The following NEB variants were observed in gnomAD, a reference collection of about 807,000 sequenced individuals.
The protein encoded by NEB is nebulin.
In NEB, 512 loss-of-function variants were observed where a neutral mutation model predicts 952.2. The observed-to-expected ratio is 0.54, with a 90% CI of 0.50 to 0.58. NEB has a LOEUF of 0.58. Among genes scored for constraint, NEB ranks in the 20% least tolerant of loss-of-function variants. The pLI is 0.00. For synonymous variants in NEB, 2,900 were observed against 3,149.8 expected (o/e 0.92, Z 2.66); for missense variants, 8,428 against 9,231.1 (o/e 0.91, Z 3.56).
At chr2:151,711,871 G>A (rs1025524944) in intron 10 of NEB, among the ~76,000 whole-genome samples, 7 of 152,122 alleles carry the variant, frequency 4.6e-5, no homozygotes, top group African/African-American at 1.4e-4. Flanking sequence ...TTGTATGTGC[G>A]GGGAGGGAAC....
At chr2:151,544,955 G>A (rs112479335) in intron 135 of NEB, among the ~76,000 whole-genome samples, 1,795 of 152,352 alleles carry the variant, frequency 0.012, 19 homozygotes, top group Middle Eastern at 0.041. Flanking sequence ...ATTTACACTT[G>A]TGAAATGCCC....
In NEB at chr2:151,516,486, G is replaced by T. The variant is rs185574478; in HGVS notation, c.22878C>A (p.Ala7626=). The T allele has an allele frequency of 1.6e-3, 2,507 of 1,612,934 alleles. 4 individuals carry two copies. Among genetic ancestry groups the T allele is most frequent in the Non-Finnish European group, 1.9e-3 (2,238 of 1,179,120 alleles). Residue 7626 remains alanine (A), a synonymous_variant, in exon 157 of 182, where the codon GCC becomes GCA. Coordinates refer to ENST00000397345, the MANE Select transcript of NEB (RefSeq NM_001164508.2). The part of the protein sequence containing the change: ...LDFETPTYIT[A]KESQQMQSGK... Reference sequence around the variant, plus strand: ...CACTCTGCATCTGCTGAGACTCTTTGGCAGTGATGTACGTTGGTGTTTCAA... The same window carrying T: ...CACTCTGCATCTGCTGAGACTCTTTTGCAGTGATGTACGTTGGTGTTTCAA...
intron 153 of NEB, 66 bp from the exon 154 acceptor site, chr2:151,519,834 T>C: frequency 9.5e-7 from 1 of 1,058,068 alleles, no homozygotes; most frequent in East Asian, 2.4e-5. Flanking sequence ...TGGGGAATAG[T>C]AGAAACACAA....
Position 151,607,423 on chromosome 2 carries a change from T to C in NEB, c.12639+81A>G. Reference sequence around the variant, plus strand: ...AAAGCCACAAACATTGCAAGGTAGGTAATTTGTCACTATAACACTCTCCAT... The same window carrying C: ...AAAGCCACAAACATTGCAAGGTAGGCAATTTGTCACTATAACACTCTCCAT... On this transcript the variant is annotated intron_variant, in intron 83 of 181. Transcript: ENST00000397345. 2 of 769,962 alleles carry C rather than the reference T, an allele frequency of 2.6e-6. 1 individual carries two copies. The highest frequency in any genetic ancestry group is 3.9e-6 in the Non-Finnish European group (2 of 510,282). The allele number at this position is 769,962 out of a possible 1,614,324, so 47.7% of individuals were successfully genotyped here. A position where few individuals can be genotyped will look rare whatever the true frequency, so the allele number is the denominator to read the frequency against.
Position 151,698,966 on chromosome 2 carries a change from C to T in NEB, c.1153-1318G>A, listed in dbSNP as rs1235423066. Among the ~76,000 whole-genome samples the T allele has an allele frequency of 2.0e-4, 28 of 142,544 alleles. 1 individual carries two copies. The highest frequency in any genetic ancestry group is 2.6e-5 in the African/African-American group (1 of 38,406). The allele number at this position is 142,544 out of a possible 152,430, so 93.5% of individuals were successfully genotyped here. A position where few individuals can be genotyped will look rare whatever the true frequency, so the allele number is the denominator to read the frequency against. On this transcript the variant is annotated intron_variant, in intron 13 of 181. Coordinates refer to ENST00000397345, the MANE Select transcript of NEB (RefSeq NM_001164508.2). The stretch of plus-strand genomic sequence containing the variant: ...CATGTGCCATGCTGGTGCGCTGCAC[C>T]CACTAACTCGTCATCTAGCATTAGG...
intron 13 of NEB, among the ~76,000 whole-genome samples, chr2:151,704,870 G>C (rs1325835085): frequency 6.6e-6 from 1 of 152,014 alleles, no homozygotes; most frequent in Non-Finnish European, 1.5e-5. Flanking sequence ...GTTCCTATTC[G>C]GCCATCTTGG....
chr2:151,667,349 G>A (rs984235343), intron 40 of NEB, among the ~76,000 whole-genome samples: 1 of 151,848 alleles, frequency 6.6e-6, no homozygotes, highest in Non-Finnish European at 1.5e-5. Context: ...TTTTAAGTAC[G>A]TCACAGTTTT....
Position 151,508,068 on chromosome 2 carries a change from AT to A in NEB, c.23387del (p.Tyr7796LeufsTer48). The A allele has an allele frequency of 6.2e-7, 1 of 1,610,732 alleles. No individual in the cohort carries two copies. The highest frequency in any genetic ancestry group is 8.5e-7 in the Non-Finnish European group (1 of 1,178,326). The part of the protein sequence containing the change: ...KEDAEKSMSY[Y>X]ETVLDTPEIQ... Reference sequence around the variant, plus strand: ...TCTCTGGGGTGTCCAAAACAGTCTCATAATACGACATGGACTTCTCAGCATC... The same window carrying A: ...TCTCTGGGGTGTCCAAAACAGTCTCAAATACGACATGGACTTCTCAGCATC... On this transcript the variant is annotated frameshift_variant, in exon 162 of 182. Transcript: ENST00000397345. LOFTEE classifies it high-confidence loss of function.
intron 72 of NEB, among the ~76,000 whole-genome samples, chr2:151,620,347 G>GTGTATATATATATA (rs1441051822): frequency 6.2e-5 from 3 of 48,482 alleles, no homozygotes; most frequent in African/African-American, 2.3e-4. Flanking sequence ...GTATGTGTGT[G>GTGTATATATATATA]TATATATATA....
In NEB at chr2:151,624,330, GA is replaced by G. The variant is rs976123105; in HGVS notation, c.10452+1203del. ...TAGCCCAATATCCTTGCAGCAGTCT[GA>G]AAAAAAAATCTACTTCAGTTCCCCT... On this transcript the variant is annotated intron_variant, in intron 71 of 181. Coordinates refer to ENST00000397345, the MANE Select transcript of NEB (RefSeq NM_001164508.2). Among the ~76,000 whole-genome samples the G allele has an allele frequency of 6.6e-5, 10 of 150,706 alleles. No homozygotes were observed. In the South Asian group the frequency reaches 1.9e-3, roughly 29 times the overall value.
chr2:151,610,728 C>A (rs1243374390), intron 79 of NEB, 34 bp downstream of exon 79: 3 of 1,591,852 alleles, frequency 1.9e-6, no homozygotes, highest in Non-Finnish European at 8.6e-7. Flanking sequence ...TTTAATTAAT[C>A]TTAGGTTTAA....
chr2:151,565,264 T>A, intron 116 of NEB, 116 bp from the exon 117 acceptor site: 2 of 669,760 alleles, frequency 3.0e-6, no homozygotes, highest in South Asian at 4.2e-5. Context: ...ACTGGTTGAA[T>A]TTTAGCCCAT....
intron 10 of NEB, among the ~76,000 whole-genome samples, chr2:151,715,723 T>C (rs901803951): frequency 1.3e-5 from 2 of 152,226 alleles, no homozygotes; most frequent in Non-Finnish European, 2.9e-5. Flanking sequence ...GTCTATTGTT[T>C]AAGCCACCCA....
chr2:151,717,312 G>A, intron 10 of NEB, 104 bp downstream of exon 10: 1 of 799,722 alleles, frequency 1.3e-6, no homozygotes, highest in Non-Finnish European at 2.2e-6. Context: ...TACTCCTAGT[G>A]TTTGTGTTTT....
rs530873244 is a variant in NEB at position 151,560,468 on chromosome 2, C to T, written c.19314+124G>A. On this transcript the variant is annotated intron_variant, in intron 124 of 181. Transcript: ENST00000397345. ...TGAGCATTTGGAATTATTTCCTGGA[C>T]ATGCCCACGGGAGTGCTAGGGGTAC... 2.1e-5 allele frequency: 16 copies of T among 747,278 alleles called. No homozygotes were observed. In the African/African-American group the frequency reaches 2.4e-4, roughly 11 times the overall value. 46.3% of individuals were successfully genotyped at this position (747,278 alleles called of 1,614,324 possible). A position where few individuals can be genotyped will look rare whatever the true frequency, so the allele number is the denominator to read the frequency against.
At chr2:151,576,422 A>G (rs1578254793) in intron 105 of NEB, 68 bp from the exon 106 acceptor site, 1 of 1,109,358 alleles carries the variant, frequency 9.0e-7, no homozygotes. Flanking sequence ...TAAAATAAGG[A>G]CAGTTTTTAT....
At position 151,650,281 on chromosome 2, in the gene NEB, G is replaced by A; in HGVS notation, c.7326C>T (p.Ile2442=). 6.2e-7 allele frequency: 1 copy of A among 1,613,830 alleles called. No individual in the cohort carries two copies. Among genetic ancestry groups the A allele is most frequent in the Non-Finnish European group, 8.5e-7 (1 of 1,179,830 alleles). The stretch of plus-strand genomic sequence containing the variant: ...GAGGCTGACGATATTTCTTCTCACT[G>A]ATGATTTCCGAAGCCCGCTTGTTCT... The part of the protein sequence containing the change: ...AEKNKRASEI[I]SEKKYRQPPD... Residue 2442 remains isoleucine (I), a synonymous_variant, in exon 54 of 182, where the codon ATC becomes ATT. Coordinates refer to ENST00000397345, the MANE Select transcript of NEB (RefSeq NM_001164508.2).
chr2:151,687,457 T>C lies in NEB; in HGVS notation c.2599A>G (p.Met867Val). 1 of 1,614,018 alleles carries C rather than the reference T, an allele frequency of 6.2e-7. No homozygotes were observed. ...TTGGCTGTCTTCAAGGAGTGCAGCATCTTTGGATCGTCATTAATGCTGAGG... is the reference window on the plus strand; with the variant it reads ...TTGGCTGTCTTCAAGGAGTGCAGCACCTTTGGATCGTCATTAATGCTGAGG... Reference protein sequence around the residue: ...GALSINDDPKMLHSLKTAKNQ... With the variant: ...GALSINDDPKVLHSLKTAKNQ... The change falls in exon 27 of 182, where the codon ATG (methionine) becomes GTG (valine). Residue 867 changes from methionine to valine, a missense_variant. By Grantham distance (21) the Met-to-Val change is conservative. Coordinates refer to ENST00000397345, the MANE Select transcript of NEB (RefSeq NM_001164508.2).
chr2:151,714,526 T>C (rs1258473954), intron 10 of NEB, among the ~76,000 whole-genome samples: 1 of 152,176 alleles, frequency 6.6e-6, no homozygotes, highest in African/African-American at 2.4e-5. Context: ...AGCTTCATTC[T>C]GAAGGCTCCC....
Sources: gnomAD v4.1 joint callset for allele counts (sites outside exome capture counted in the v4.1 genomes callset) on GRCh38, gnomAD v4.1.1 for gene constraint, MANE v1.5 for transcripts, NCBI Gene and HGNC (gene_info 2026-07-23, HGNC 2026-07-21) for gene names.